The following GMDS variants were observed in gnomAD, a reference collection of about 807,000 sequenced individuals.
GMDS encodes the protein GDP-mannose 4,6-dehydratase, also known as GDP-mannose 4,6 dehydratase.
Under a neutral mutation model 49.9 loss-of-function variants are expected in GMDS, and 20 were observed. The ratio of observed to expected loss-of-function variants is 0.40; its 90% CI spans 0.28 to 0.58. The LOEUF (loss-of-function observed/expected upper bound fraction) is 0.58. Ranked by LOEUF, GMDS falls within the 20% of genes least tolerant of loss-of-function variation. The pLI, the probability that GMDS is intolerant of heterozygous loss-of-function variation, is 0.42. For synonymous variants in GMDS, 177 were observed against 178.6 expected (o/e 0.99, Z 0.07); for missense variants, 362 against 481.4 (o/e 0.75, Z 2.32).
intron 7 of GMDS, among the ~76,000 whole-genome samples, chr6:1,781,211 T>C (rs1769069166): frequency 6.6e-6 from 1 of 152,182 alleles, no homozygotes; most frequent in South Asian, 2.1e-4. Flanking sequence ...CGAAGGGGTC[T>C]CCAGCTCTGC....
intron 4 of GMDS, among the ~76,000 whole-genome samples, chr6:2,016,747 A>G (rs1187997166): frequency 6.6e-6 from 1 of 152,238 alleles, no homozygotes; most frequent in Non-Finnish European, 1.5e-5. Context: ...AATAGAATCA[A>G]ACTATAAATC....
intron 7 of GMDS, among the ~76,000 whole-genome samples, chr6:1,763,957 C>G (rs1429058277): frequency 6.6e-6 from 1 of 152,198 alleles, no homozygotes; most frequent in African/African-American, 2.4e-5. Context: ...GAGGCACCCC[C>G]TCTTGGCAGG....
chr6:2,159,506 C>CT (rs968406886), intron 1 of GMDS, among the ~76,000 whole-genome samples: 17 of 134,944 alleles, frequency 1.3e-4, no homozygotes, highest in East Asian at 2.1e-4. Context: ...TTCAATATTT[C>CT]TTTTTTTCTT....
In GMDS at chr6:1,833,110, T is replaced by A. The variant is rs1179081331; in HGVS notation, c.772-90524A>T. Among the ~76,000 whole-genome samples, 1 of 145,052 alleles carries A rather than the reference T, an allele frequency of 6.9e-6. No individual in the cohort carries two copies. The highest frequency in any genetic ancestry group is 1.5e-5 in the Non-Finnish European group (1 of 67,060). On this transcript the variant is annotated intron_variant, in intron 7 of 10. Coordinates refer to ENST00000380815, the MANE Select transcript of GMDS (RefSeq NM_001500.4). This position sits in a 1 kb window ranked among gnomAD's most constrained non-coding sequence, Gnocchi z 4.4. ...GACCTGTGCCCAGCTCACCCGGCAGTGGAGCGTATGAAAGCCTTTTTTTTT... is the reference window on the plus strand; with the variant it reads ...GACCTGTGCCCAGCTCACCCGGCAGAGGAGCGTATGAAAGCCTTTTTTTTT...
At chr6:1,696,889 T>G (rs145220516) in intron 9 of GMDS, among the ~76,000 whole-genome samples, 68 of 152,364 alleles carry the variant, frequency 4.5e-4, no homozygotes, top group African/African-American at 1.6e-3. Context: ...AACAAGTGTT[T>G]GGCCTGTGGT....
intron 9 of GMDS, among the ~76,000 whole-genome samples, chr6:1,718,385 C>G (rs1370049491): frequency 6.6e-6 from 1 of 152,200 alleles, no homozygotes; most frequent in Non-Finnish European, 1.5e-5. Flanking sequence ...GTTCCAGCAT[C>G]GTCACCTCCC....
At chr6:1,677,690 G>C (rs1238872570) in intron 9 of GMDS, among the ~76,000 whole-genome samples, 1 of 151,042 alleles carries the variant, frequency 6.6e-6, no homozygotes, top group African/African-American at 2.4e-5. Flanking sequence ...GCAAACGATC[G>C]CAAGGACAGA....
At chr6:2,074,885 C>A (rs777895619) in intron 4 of GMDS, among the ~76,000 whole-genome samples, 1 of 152,068 alleles carries the variant, frequency 6.6e-6, no homozygotes, top group Non-Finnish European at 1.5e-5. Context: ...TCCCCAGAAC[C>A]ATTTATTGAA....
At chr6:1,695,373 G>A (rs1195468899) in intron 9 of GMDS, among the ~76,000 whole-genome samples, 1 of 152,190 alleles carries the variant, frequency 6.6e-6, no homozygotes, top group Non-Finnish European at 1.5e-5. Context: ...CCTCACATCA[G>A]TAATCCCCTC....
intron 9 of GMDS, among the ~76,000 whole-genome samples, chr6:1,643,390 C>T (rs114696931): frequency 5.9e-5 from 9 of 152,306 alleles, no homozygotes; most frequent in African/African-American, 1.7e-4. Flanking sequence ...GCTGAGCCCC[C>T]GAGGCTCTGT....
chr6:1,901,912 G>C (rs1363711785), intron 7 of GMDS, among the ~76,000 whole-genome samples: 1 of 152,230 alleles, frequency 6.6e-6, no homozygotes, highest in Non-Finnish European at 1.5e-5. Context: ...CACACACAGA[G>C]GGGAGACAGG....
rs778842436 is a variant in GMDS at position 1,996,109 on chromosome 6, TCTCCTTCCTC to T, written c.346-35153_346-35144del. Among the ~76,000 whole-genome samples, 74 of 151,934 alleles carry T rather than the reference TCTCCTTCCTC, an allele frequency of 4.9e-4. 1 individual carries two copies. The highest frequency in any genetic ancestry group is 9.4e-4 in the Non-Finnish European group (64 of 67,944). On this transcript the variant is annotated intron_variant, in intron 4 of 10. Transcript: ENST00000380815. ...TCTTCTTCTCCTTCTTCCTTCTCCTTCTCCTTCCTCCTCCTTCCTCCTTCCTCTTCTTCCT... is the reference window on the plus strand; with the variant it reads ...TCTTCTTCTCCTTCTTCCTTCTCCTTCTCCTTCCTCCTTCCTCTTCTTCCT...
At chr6:1,789,586 A>C (rs969749039) in intron 7 of GMDS, among the ~76,000 whole-genome samples, 3 of 141,646 alleles carry the variant, frequency 2.1e-5, no homozygotes, top group Admixed American at 7.7e-5. Context: ...CCCAGGCTGG[A>C]GCACAGTGGT....
rs139034800 is a variant in GMDS at position 2,242,204 on chromosome 6, A to G, written c.102+3117T>C. Among the ~76,000 whole-genome samples the G allele has an allele frequency of 2.5e-3, 388 of 152,352 alleles. 5 individuals carry two copies. Among genetic ancestry groups the G allele is most frequent in the Admixed American group, 0.019 (289 of 15,304 alleles). On this transcript the variant is annotated intron_variant, in intron 1 of 10. Transcript: ENST00000380815. ...AGAATTGTGAGGCCATTCAGCCACA[A>G]ATAATTACTCCAAAGAGGTACAAGG...
At chr6:2,015,054 A>G (rs1469550815) in intron 4 of GMDS, among the ~76,000 whole-genome samples, 1 of 152,158 alleles carries the variant, frequency 6.6e-6, no homozygotes, top group Non-Finnish European at 1.5e-5. Context: ...GAACAACAAA[A>G]TTCATCAGAC....
chr6:1,790,181 G>A (rs1192508393), intron 7 of GMDS, among the ~76,000 whole-genome samples: 1 of 151,896 alleles, frequency 6.6e-6, no homozygotes, highest in East Asian at 1.9e-4. Context: ...AGAAATAAAT[G>A]GTCACACTCC....
chr6:1,818,434 C>G (rs1404918634), intron 7 of GMDS, among the ~76,000 whole-genome samples: 1 of 151,794 alleles, frequency 6.6e-6, no homozygotes, highest in Admixed American at 6.6e-5. Context: ...ATGGTGAAAC[C>G]CTGTCTCTAT....
At chr6:2,221,449 C>T (rs1456364891) in intron 1 of GMDS, among the ~76,000 whole-genome samples, 1 of 152,032 alleles carries the variant, frequency 6.6e-6, no homozygotes, top group Non-Finnish European at 1.5e-5. Flanking sequence ...GGCGCAATCT[C>T]GGCTCACTGC....
chr6:2,242,750 T>C (rs1581851345), intron 1 of GMDS, among the ~76,000 whole-genome samples: 1 of 152,206 alleles, frequency 6.6e-6, no homozygotes, highest in African/African-American at 2.4e-5. Flanking sequence ...TCAGGGAACA[T>C]ATTTAACCTT....
Sources: gnomAD v4.1 joint callset for allele counts (sites outside exome capture counted in the v4.1 genomes callset) on GRCh38, gnomAD v4.1.1 for gene constraint, Gnocchi (gnomAD v3.1) non-coding constraint, MANE v1.5 for transcripts, NCBI Gene and HGNC (gene_info 2026-07-23, HGNC 2026-07-21) for gene names.